PPP2R1B: variants seen among roughly 807,000 people sequenced by gnomAD.
PPP2R1B encodes the protein serine/threonine-protein phosphatase 2A 65 kDa regulatory subunit A beta isoform.
Under a neutral mutation model 72.7 loss-of-function variants are expected in PPP2R1B, and 58 were observed. That is an observed-to-expected ratio of 0.80 (90% CI 0.65 to 0.99). PPP2R1B has a LOEUF of 0.99. Ranked by LOEUF, PPP2R1B falls within the 50% of genes least tolerant of loss-of-function variation. PPP2R1B has a pLI of 0.00. For missense variants in PPP2R1B, 695 were observed against 733.6 expected (o/e 0.95, Z 0.61); for synonymous variants, 256 against 264.6 (o/e 0.97, Z 0.32).
chr11:111,750,733 ATTAG>A (rs766250336), intron 10 of PPP2R1B, among the ~76,000 whole-genome samples: 60 of 152,210 alleles, frequency 3.9e-4, no homozygotes. Flanking sequence ...CTAACATGGT[ATTAG>A]TTAGGGTAAC....
chr11:111,698,863 T>C, the PPP2R1B span, among the ~76,000 whole-genome samples: 1 of 152,228 alleles, frequency 6.6e-6, no homozygotes, highest in East Asian at 1.9e-4. Context: ...ATCCGAGAGC[T>C]TCTTGTGCTG....
At chr11:111,726,246 G>C (rs1181419378), downstream of PPP2R1B, 2 of 152,214 alleles carry the variant, frequency 1.3e-5, no homozygotes, top group African/African-American at 2.4e-5. Context: ...TGCAGGAATG[G>C]TGTAGTTACA....
intron 1 of PPP2R1B, chr11:111,765,813 A>T: frequency 2.1e-6 from 1 of 473,804 alleles, no homozygotes; most frequent in Non-Finnish European, 4.2e-6. Context: ...AAGCCGAGCC[A>T]GTTCCAAGCC....
chr11:111,750,675 C>CA (rs11410951), intron 10 of PPP2R1B, among the ~76,000 whole-genome samples: 50,339 of 151,740 alleles, frequency 0.33, 9,429 homozygotes, highest in East Asian at 0.63. Context: ...GCCACCTACT[C>CA]AAAAAAAGGA....
the PPP2R1B span, among the ~76,000 whole-genome samples, chr11:111,695,921 A>C: frequency 6.6e-6 from 1 of 152,228 alleles, no homozygotes; most frequent in African/African-American, 2.4e-5. Flanking sequence ...TGACAGTGAT[A>C]ATGGTTTTTG....
chr11:111,724,667 G>T, downstream of PPP2R1B: 1 of 156,782 alleles, frequency 6.4e-6, no homozygotes, highest in Admixed American at 6.1e-5. Flanking sequence ...AGCTGCTGAT[G>T]CAAGTTGTCC....
chr11:111,701,319 A>C, the PPP2R1B span: 4 of 1,266,936 alleles, frequency 3.2e-6, no homozygotes, highest in Non-Finnish European at 3.2e-6. The surrounding 1 kb of genome is among the most constrained non-coding windows in gnomAD (Gnocchi z 4.2). Flanking sequence ...TTTTTTTCAA[A>C]TTCTGAGAAA....
chr11:111,729,633 T>C (rs1478275618), intron 15 of PPP2R1B: 2 of 152,286 alleles, frequency 1.3e-5, no homozygotes, highest in African/African-American at 4.8e-5. Context: ...CTTTCCTCAG[T>C]AGCATCTGAC....
the PPP2R1B span, among the ~76,000 whole-genome samples, chr11:111,700,652 G>A: frequency 3.9e-5 from 6 of 152,048 alleles, no homozygotes; most frequent in Non-Finnish European, 5.9e-5. Context: ...TCACTTACTC[G>A]CTTTGGGAAG....
chr11:111,736,683 T>C (rs759396346), downstream of PPP2R1B, among the ~76,000 whole-genome samples: 1 of 152,204 alleles, frequency 6.6e-6, no homozygotes, highest in Non-Finnish European at 1.5e-5. Flanking sequence ...CAAAAAACGT[T>C]TTCATGGTTT....
the PPP2R1B span, chr11:111,705,088 T>C: frequency 6.2e-7 from 1 of 1,605,988 alleles, no homozygotes. The surrounding 1 kb of genome is among the most constrained non-coding windows in gnomAD (Gnocchi z 4.3). Flanking sequence ...AGCAGAGACT[T>C]GATGGCCGCC....
intron 15 of PPP2R1B, among the ~76,000 whole-genome samples, chr11:111,731,370 G>A (rs965610654): frequency 6.6e-5 from 10 of 152,196 alleles, no homozygotes; most frequent in Admixed American, 3.3e-4. Flanking sequence ...CAAAGGCCTC[G>A]ACACTGCACG....
chr11:111,722,287 T>C (rs767702428), downstream of PPP2R1B, among the ~76,000 whole-genome samples: 6 of 152,216 alleles, frequency 3.9e-5, no homozygotes, highest in Non-Finnish European at 5.9e-5. The surrounding 1 kb of genome is among the most constrained non-coding windows in gnomAD (Gnocchi z 4.4). Context: ...GGGCTTTCTA[T>C]GTTGGTGCAT....
chr11:111,747,605 C>CCTAGTGTATAG (rs1227630514), intron 11 of PPP2R1B, among the ~76,000 whole-genome samples: 2 of 152,136 alleles, frequency 1.3e-5, no homozygotes, highest in Non-Finnish European at 2.9e-5. Flanking sequence ...CTCCATACAA[C>CCTAGTGTATAG]CTAGTGTATA....
the PPP2R1B span, among the ~76,000 whole-genome samples, chr11:111,693,188 T>C: frequency 6.6e-6 from 1 of 152,050 alleles, no homozygotes; most frequent in African/African-American, 2.4e-5. Flanking sequence ...AAAAATTAGC[T>C]GGGCATGGTG....
intron 10 of PPP2R1B, 134 bp downstream of exon 10, chr11:111,752,025 G>A: frequency 2.0e-6 from 2 of 975,636 alleles, no homozygotes; most frequent in South Asian, 2.1e-5. Flanking sequence ...CCATCCTATA[G>A]GTAACAAGAA....
chr11:111,729,612 CTT>C (rs1248591302), intron 15 of PPP2R1B: 1 of 152,294 alleles, frequency 6.6e-6, no homozygotes, highest in African/African-American at 2.4e-5. Context: ...GAAGCCCTCT[CTT>C]TCCCTTCTCT....
chr11:111,709,940 C>T, the PPP2R1B span, among the ~76,000 whole-genome samples: 1 of 152,204 alleles, frequency 6.6e-6, no homozygotes, highest in East Asian at 1.9e-4. Context: ...TAGTGAGAGT[C>T]AGGGACGGAG....
chr11:111,747,993 T>G lies in PPP2R1B; in HGVS notation c.1360A>C (p.Lys454Gln), dbSNP rs1332742630. ...GQLGVEFFDE[K>Q]LNSLCMAWLV... Reference sequence around the variant, plus strand: ...CAAGCCATACATAAAGAATTCAGCTTTTCATCAAAGAATTCCACACCCTAC... The same window carrying G: ...CAAGCCATACATAAAGAATTCAGCTGTTCATCAAAGAATTCCACACCCTAC... Residue 454 changes from lysine to glutamine, a missense_variant, in exon 11 of 15, where the codon AAG becomes CAG. Lys to Gln is a moderately conservative substitution (Grantham distance 53). Coordinates refer to ENST00000527614, the MANE Select transcript of PPP2R1B (RefSeq NM_002716.5). 1 of 1,613,430 alleles carries G rather than the reference T, an allele frequency of 6.2e-7. No homozygotes were observed. Among genetic ancestry groups the G allele is most frequent in the East Asian group, 2.2e-5 (1 of 44,860 alleles).
Sources: allele counts gnomAD v4.1 joint callset (sites outside exome capture counted in the v4.1 genomes callset), GRCh38; gene constraint gnomAD v4.1.1; non-coding constraint Gnocchi (gnomAD v3.1); transcripts MANE v1.5; gene names NCBI Gene and HGNC (gene_info 2026-07-23, HGNC 2026-07-21).